Variants in FAM227B observed in about 807,000 individuals in gnomAD.
FAM227B encodes the protein family with sequence similarity 227 member B.
Under a neutral mutation model 73.8 loss-of-function variants are expected in FAM227B, and 88 were observed. The ratio of observed to expected loss-of-function variants is 1.19; its 90% confidence interval spans 1.00 to 1.42. FAM227B has a LOEUF of 1.42. FAM227B is among the 40% of genes most tolerant of loss of function. The probability of loss-of-function intolerance (pLI) is 0.00; values close to 1 mark genes in which losing one functional copy is unlikely to be tolerated. For missense variants in FAM227B, 632 were observed against 590.9 expected (o/e 1.07, Z -0.72); for synonymous variants, 210 against 190.5 (o/e 1.10, Z -0.84).
At chr15:49,413,330 G>GC (rs746102033) in intron 11 of FAM227B, among the ~76,000 whole-genome samples, 17 of 152,062 alleles carry the variant, frequency 1.1e-4, no homozygotes, top group Non-Finnish European at 2.2e-4. Flanking sequence ...CTCTTTACCT[G>GC]CTACCATCTG....
chr15:49,609,959 A>AAT (rs1371022052), intron 3 of FAM227B, among the ~76,000 whole-genome samples: 3 of 151,928 alleles, frequency 2.0e-5, no homozygotes, highest in Non-Finnish European at 4.4e-5. Flanking sequence ...TACAAATATA[A>AAT]ATATATCCTT....
chr15:49,394,572 T>A lies in FAM227B; in HGVS notation c.1013-23173A>T, dbSNP rs1471437418. 4.6e-5 allele frequency among the ~76,000 whole-genome samples: 7 copies of A among 152,184 alleles called. No homozygotes were observed. The East Asian group carries it at 1.3e-3, about 29-fold the overall frequency. The stretch of plus-strand genomic sequence containing the variant: ...GAATTTAAAATGAGACTATTCGGCA[T>A]GGTTGTATAATTTCTGTATACAGTT... On this transcript the variant is annotated intron_variant, in intron 11 of 15. Transcript: ENST00000299338.
At chr15:49,440,083 C>G (rs1853237782) in intron 11 of FAM227B, among the ~76,000 whole-genome samples, 1 of 151,754 alleles carries the variant, frequency 6.6e-6, no homozygotes, top group Non-Finnish European at 1.5e-5. Context: ...GGAACTGAGT[C>G]ACGAAAAGAT....
chr15:49,615,198 A>G lies in FAM227B; in HGVS notation c.-27T>C. ...GTACAGTAACTTTGCAGAAATGAAG[A>G]GAAATCAGCTGGGTCTTAGGCTTCA... On this transcript the variant is annotated 5_prime_UTR_variant, in exon 2 of 16. Coordinates refer to ENST00000299338, the MANE Select transcript of FAM227B (RefSeq NM_152647.3). 12 of 1,611,662 alleles carry G rather than the reference A, an allele frequency of 7.4e-6. No individual in the cohort carries two copies. The highest frequency in any genetic ancestry group is 1.0e-5 in the Non-Finnish European group (12 of 1,177,702).
At position 49,463,934 on chromosome 15, in the gene FAM227B, T is replaced by C. The variant is rs947267948; in HGVS notation, c.1012+44277A>G. Among the ~76,000 whole-genome samples the C allele has an allele frequency of 3.9e-4, 60 of 151,958 alleles. 1 individual carries two copies. Among genetic ancestry groups the C allele is most frequent in the Non-Finnish European group, 7.2e-4 (49 of 67,950 alleles). Reference sequence around the variant, plus strand: ...AACAAACAAGGTTTTTGTTTGTTTTTTGTTTGTTTGCTTTAGAGTTACTAT... The same window carrying C: ...AACAAACAAGGTTTTTGTTTGTTTTCTGTTTGTTTGCTTTAGAGTTACTAT... On this transcript the variant is annotated intron_variant, in intron 11 of 15. Coordinates refer to ENST00000299338, the MANE Select transcript of FAM227B (RefSeq NM_152647.3).
At chr15:49,586,592 G>A (rs1598397154) in intron 5 of FAM227B, among the ~76,000 whole-genome samples, 1 of 152,072 alleles carries the variant, frequency 6.6e-6, no homozygotes, top group African/African-American at 2.4e-5. Context: ...TACCAACAGA[G>A]TAAACAACCA....
chr15:49,435,859 T>C (rs1165503111), intron 11 of FAM227B, among the ~76,000 whole-genome samples: 2 of 151,628 alleles, frequency 1.3e-5, no homozygotes, highest in Non-Finnish European at 3.0e-5. Flanking sequence ...AATCTTTTAA[T>C]TTAGTCTGCA....
intron 13 of FAM227B, among the ~76,000 whole-genome samples, chr15:49,346,325 A>G (rs1320564345): frequency 6.6e-6 from 1 of 152,162 alleles, no homozygotes; most frequent in Non-Finnish European, 1.5e-5. Flanking sequence ...TTTTCTATAC[A>G]TATGTCCTAC....
In FAM227B at chr15:49,615,262, C is replaced by T; in HGVS notation, c.-72-19G>A. 1 of 1,043,182 alleles carries T rather than the reference C, an allele frequency of 9.6e-7. No homozygotes were observed. Among genetic ancestry groups the T allele is most frequent in the East Asian group, 2.4e-5 (1 of 42,078 alleles). 64.6% of individuals were successfully genotyped at this position (1,043,182 alleles called of 1,614,324 possible). On this transcript the variant is annotated intron_variant, in intron 1 of 15. Transcript: ENST00000299338. Reference sequence around the variant, plus strand: ...GACCAAACTGGGGTATGAAAGACACCCAAATGCAAAAATAAATGACTCAGC... The same window carrying T: ...GACCAAACTGGGGTATGAAAGACACTCAAATGCAAAAATAAATGACTCAGC...
At chr15:49,560,171 T>A (rs147129032) in intron 9 of FAM227B, among the ~76,000 whole-genome samples, 1 of 151,516 alleles carries the variant, frequency 6.6e-6, no homozygotes, top group African/African-American at 2.4e-5. Flanking sequence ...CTAAACATCA[T>A]GAAAAGAAAT....
At chr15:49,364,809 G>A (rs1195666456) in intron 13 of FAM227B, among the ~76,000 whole-genome samples, 7 of 151,266 alleles carry the variant, frequency 4.6e-5, no homozygotes, top group African/African-American at 1.7e-4. Context: ...CATTAGAGTT[G>A]GAAGAAACAT....
chr15:49,461,266 T>A (rs1030125256), intron 11 of FAM227B, among the ~76,000 whole-genome samples: 20 of 152,190 alleles, frequency 1.3e-4, no homozygotes, highest in African/African-American at 4.8e-4. Context: ...AGGCAATTAG[T>A]TCCTCAAAGA....
chr15:49,619,683 A>T (rs1257210271), intron 1 of FAM227B, among the ~76,000 whole-genome samples: 1 of 152,248 alleles, frequency 6.6e-6, no homozygotes, highest in Non-Finnish European at 1.5e-5. Context: ...TCTAACAAGT[A>T]GTATTATTTG....
chr15:49,501,032 T>C (rs955481060), intron 11 of FAM227B, among the ~76,000 whole-genome samples: 1 of 152,184 alleles, frequency 6.6e-6, no homozygotes, highest in African/African-American at 2.4e-5. Flanking sequence ...CTGTAGAGCA[T>C]CCAGAACCAT....
At chr15:49,600,036 G>A (rs916495424) in intron 3 of FAM227B, among the ~76,000 whole-genome samples, 2 of 151,974 alleles carry the variant, frequency 1.3e-5, no homozygotes, top group East Asian at 3.9e-4. Flanking sequence ...ATGTATTGCT[G>A]TTATTTCTCC....
intron 2 of FAM227B, among the ~76,000 whole-genome samples, chr15:49,612,917 T>A (rs2078037949): frequency 6.6e-6 from 1 of 152,160 alleles, no homozygotes; most frequent in Non-Finnish European, 1.5e-5. Context: ...TGACAACCAT[T>A]ATAGAAAATG....
At chr15:49,512,942 C>T (rs1206803697) in intron 10 of FAM227B, among the ~76,000 whole-genome samples, 6 of 152,026 alleles carry the variant, frequency 3.9e-5, no homozygotes, top group South Asian at 2.1e-4. Flanking sequence ...GATTCTTTTT[C>T]GTGGCTGCAT....
At chr15:49,329,131 A>G in intron 15 of FAM227B, 1 of 991,294 alleles carries the variant, frequency 1.0e-6, no homozygotes, top group Non-Finnish European at 1.2e-6. Context: ...TTGTTTGTAT[A>G]TATGCACCCC....
intron 3 of FAM227B, among the ~76,000 whole-genome samples, chr15:49,593,573 T>C (rs1309504382): frequency 1.3e-5 from 2 of 152,068 alleles, no homozygotes; most frequent in African/African-American, 2.4e-5. Context: ...CAATGTGTAG[T>C]CTTTTGTACC....
Sources: gnomAD v4.1 joint callset for allele counts (sites outside exome capture counted in the v4.1 genomes callset) on GRCh38, gnomAD v4.1.1 for gene constraint, MANE v1.5 for transcripts, NCBI Gene and HGNC (gene_info 2026-07-23, HGNC 2026-07-21) for gene names.